LPGAT1: variants seen among roughly 807,000 people sequenced by gnomAD.
LPGAT1 encodes the protein lysophosphatidylglycerol acyltransferase 1.
Under a neutral mutation model 47.5 loss-of-function variants are expected in LPGAT1, and 11 were observed. The observed-to-expected ratio is 0.23, with a 90% CI of 0.15 to 0.38. The LOEUF is 0.38. Ranked by LOEUF, LPGAT1 falls within the 10% of genes least tolerant of loss-of-function variation. The pLI is 1.00. For missense variants in LPGAT1, 293 were observed against 439.0 expected, an observed-to-expected ratio of 0.67 and a Z score of 2.97; for synonymous variants, 138 against 144.2, an observed-to-expected ratio of 0.96 and a Z score of 0.31.
chr1:211,794,395 T>C (rs1411719691), intron 2 of LPGAT1, among the ~76,000 whole-genome samples: 4 of 152,244 alleles, frequency 2.6e-5, no homozygotes, highest in African/African-American at 4.8e-5. Context: ...TCAAGCTCCC[T>C]GGGCTCAGTG....
At chr1:211,754,427 G>A (rs752082388) in intron 6 of LPGAT1, among the ~76,000 whole-genome samples, 74 of 152,168 alleles carry the variant, frequency 4.9e-4, no homozygotes, top group Non-Finnish European at 8.4e-4. Context: ...AACTTTTGCC[G>A]CCATTGTCTT....
rs1179742434 is a variant in LPGAT1 at position 211,748,180 on chromosome 1, C to T, written c.*1719G>A. The T allele has an allele frequency of 1.3e-5, 2 of 152,414 alleles. No homozygotes were observed. Among genetic ancestry groups the T allele is most frequent in the Non-Finnish European group, 2.9e-5 (2 of 68,012 alleles). 9.4% of individuals were successfully genotyped at this position (152,414 alleles called of 1,614,324 possible). A position where few individuals can be genotyped will look rare whatever the true frequency, so the allele number is the denominator to read the frequency against. ...GTGTGATTAGTGACAACGGGGGAAT[C>T]TACAATGCTCACATCACAGTAAACT... On this transcript the variant is annotated 3_prime_UTR_variant, in exon 8 of 8. Transcript: ENST00000366997.
chr1:211,824,253 G>A (rs1311871832), intron 2 of LPGAT1, among the ~76,000 whole-genome samples: 3 of 152,058 alleles, frequency 2.0e-5, no homozygotes, highest in Non-Finnish European at 2.9e-5. Flanking sequence ...AAAATTAGCC[G>A]GGCACGGTGG....
intron 5 of LPGAT1, among the ~76,000 whole-genome samples, chr1:211,780,936 A>G (rs1309240715): frequency 6.6e-6 from 1 of 152,184 alleles, no homozygotes; most frequent in Non-Finnish European, 1.5e-5. Flanking sequence ...AAAACACCAA[A>G]ATTCAGTTTA....
At chr1:211,797,777 T>A (rs757293036) in intron 2 of LPGAT1, among the ~76,000 whole-genome samples, 4 of 152,104 alleles carry the variant, frequency 2.6e-5, no homozygotes, top group Non-Finnish European at 5.9e-5. Context: ...AGAACAAAAA[T>A]ATTCTAACAC....
At chr1:211,754,644 T>C (rs1331421515) in intron 6 of LPGAT1, among the ~76,000 whole-genome samples, 5 of 152,244 alleles carry the variant, frequency 3.3e-5, no homozygotes, top group Non-Finnish European at 1.5e-5. Flanking sequence ...GGGGCCTCCA[T>C]TGCTATTTTG....
At chr1:211,815,409 A>T (rs1660136560) in intron 2 of LPGAT1, among the ~76,000 whole-genome samples, 1 of 151,122 alleles carries the variant, frequency 6.6e-6, no homozygotes, top group Admixed American at 6.6e-5. Flanking sequence ...CTCCTATAAA[A>T]CTCTCCAATC....
chr1:211,821,782 T>C (rs1660376431), intron 2 of LPGAT1, among the ~76,000 whole-genome samples: 1 of 152,130 alleles, frequency 6.6e-6, no homozygotes, highest in Non-Finnish European at 1.5e-5. Flanking sequence ...AATAGAGAAC[T>C]AAGAATATTA....
intron 6 of LPGAT1, among the ~76,000 whole-genome samples, chr1:211,768,710 A>T (rs1658042256): frequency 6.6e-6 from 1 of 152,222 alleles, no homozygotes; most frequent in Admixed American, 6.5e-5. Flanking sequence ...AGCTTTGAAT[A>T]CCATTTTTAT....
intron 2 of LPGAT1, among the ~76,000 whole-genome samples, chr1:211,826,276 ATCT>A (rs770473776): frequency 1.2e-4 from 19 of 152,336 alleles, no homozygotes; most frequent in Admixed American, 3.3e-4. Flanking sequence ...ACTTTAATAA[ATCT>A]TCTTGTCTTT....
intron 2 of LPGAT1, among the ~76,000 whole-genome samples, chr1:211,817,295 G>A (rs531979226): frequency 2.6e-5 from 4 of 152,286 alleles, no homozygotes; most frequent in Non-Finnish European, 4.4e-5. Context: ...TCCGTCGCTG[G>A]GCATGGTGGC....
chr1:211,774,694 G>C (rs984655032), intron 6 of LPGAT1, among the ~76,000 whole-genome samples: 1 of 152,110 alleles, frequency 6.6e-6, no homozygotes, highest in Non-Finnish European at 1.5e-5. Flanking sequence ...AAGTACTTCA[G>C]TAGTATTTTA....
At position 211,829,897 on chromosome 1, in the gene LPGAT1, G is replaced by A. The variant is rs944222328; in HGVS notation, c.-27-574C>T. On this transcript the variant is annotated intron_variant, in intron 1 of 7. Transcript: ENST00000366997. The stretch of plus-strand genomic sequence containing the variant: ...TTTTTTTTAAGAAAAAAAATGGGGG[G>A]CCTAGAAAAAAAGCTTACAAGGTGA... 6 of 984,788 alleles carry A rather than the reference G, an allele frequency of 6.1e-6. No homozygotes were observed. The African/African-American group carries it at 8.8e-5, about 14-fold the overall frequency. 61.0% of individuals were successfully genotyped at this position (984,788 alleles called of 1,614,324 possible). A position where few individuals can be genotyped will look rare whatever the true frequency, so the allele number is the denominator to read the frequency against.
chr1:211,746,495 T>G lies in LPGAT1; in HGVS notation c.*3404A>C, dbSNP rs1302974841. 1 of 152,184 alleles carries G rather than the reference T, an allele frequency of 6.6e-6. No individual in the cohort carries two copies. The highest frequency in any genetic ancestry group is 1.5e-5 in the Non-Finnish European group (1 of 68,024). The allele number at this position is 152,184 out of a possible 1,614,324, so 9.4% of individuals were successfully genotyped here. On this transcript the variant is annotated 3_prime_UTR_variant, in exon 8 of 8. Transcript: ENST00000366997. ...GAAACAACTTAAATCATTTAATTAG[T>G]AAGCGTCCCTAGAAAAAAAATGTCT... is the stretch of plus-strand genomic sequence containing the variant.
intron 2 of LPGAT1, among the ~76,000 whole-genome samples, chr1:211,801,917 T>G (rs1558275964): frequency 6.6e-6 from 1 of 150,854 alleles, no homozygotes; most frequent in African/African-American, 2.4e-5. Context: ...CCATCTCTAC[T>G]AAAAAAAAAT....
chr1:211,794,503 G>C (rs1323705279), intron 2 of LPGAT1, among the ~76,000 whole-genome samples: 11 of 151,966 alleles, frequency 7.2e-5, no homozygotes, highest in Admixed American at 5.9e-4. Context: ...ACAGGGTTTT[G>C]CCATGTTGCC....
At chr1:211,810,998 G>A (rs1659968921) in intron 2 of LPGAT1, among the ~76,000 whole-genome samples, 3 of 152,202 alleles carry the variant, frequency 2.0e-5, no homozygotes, top group African/African-American at 7.2e-5. Flanking sequence ...GGAGCAGTGG[G>A]ACTGTGTTTA....
chr1:211,810,514 A>G (rs1202493856), intron 2 of LPGAT1, among the ~76,000 whole-genome samples: 2 of 152,094 alleles, frequency 1.3e-5, no homozygotes, highest in East Asian at 1.9e-4. Flanking sequence ...TCATGTCAGC[A>G]TCTCATATGC....
At position 211,745,207 on chromosome 1, in the gene LPGAT1, C is replaced by T. The variant is rs1656895328; in HGVS notation, c.*4692G>A. The stretch of plus-strand genomic sequence containing the variant: ...ACAGCCTTTACATTCATTCTTATCA[C>T]ACGTTACAACATGCAGATAACACAA... On this transcript the variant is annotated 3_prime_UTR_variant, in exon 8 of 8. Coordinates refer to ENST00000366997, the MANE Select transcript of LPGAT1 (RefSeq NM_014873.3). The T allele has an allele frequency of 1.3e-5, 2 of 152,710 alleles. No homozygotes were observed. The highest frequency in any genetic ancestry group is 6.5e-5 in the Admixed American group (1 of 15,296). The allele number at this position is 152,710 out of a possible 1,614,324, so 9.5% of individuals were successfully genotyped here.
Sources: allele counts gnomAD v4.1 joint callset (sites outside exome capture counted in the v4.1 genomes callset), GRCh38; gene constraint gnomAD v4.1.1; transcripts MANE v1.5; gene names NCBI Gene and HGNC (gene_info 2026-07-23, HGNC 2026-07-21).